The following DCT variants were observed in gnomAD, a reference collection of about 807,000 sequenced individuals.
DCT encodes the protein L-dopachrome tautomerase.
A neutral mutation model predicts 53.0 loss-of-function variants in DCT; 47 were observed. The observed-to-expected ratio is 0.89, with a 90% CI of 0.70 to 1.13. The LOEUF is 1.13. Among genes scored for constraint, DCT ranks in the 50% most tolerant of loss-of-function variants. DCT has a pLI of 0.00. For missense variants in DCT, 669 were observed against 637.4 expected (o/e 1.05, Z -0.53); for synonymous variants, 244 against 237.0 (o/e 1.03, Z -0.27).
chr13:94,460,025 G>T, intron 6 of DCT, 66 bp downstream of exon 6: 10 of 1,472,336 alleles, frequency 6.8e-6, no homozygotes, highest in Non-Finnish European at 9.5e-6. Flanking sequence ...AACATTAATT[G>T]TATGAAAAAA....
At chr13:94,489,134 C>T in the DCT span, among the ~76,000 whole-genome samples, 1 of 151,980 alleles carries the variant, frequency 6.6e-6, no homozygotes, top group Non-Finnish European at 1.5e-5. Context: ...TATTTTCATT[C>T]TATATTTTTG....
chr13:94,544,181 ATTTTT>A, the DCT span, among the ~76,000 whole-genome samples: 1 of 151,438 alleles, frequency 6.6e-6, no homozygotes, highest in African/African-American at 2.4e-5. Context: ...AGTAGCATGT[ATTTTT>A]TTTTATTTAT....
chr13:94,535,167 A>G, the DCT span, among the ~76,000 whole-genome samples: 1 of 152,226 alleles, frequency 6.6e-6, no homozygotes, highest in Non-Finnish European at 1.5e-5. Context: ...GCTTGTTAAT[A>G]TATACAATTT....
At chr13:94,526,790 T>G in the DCT span, among the ~76,000 whole-genome samples, 1 of 151,974 alleles carries the variant, frequency 6.6e-6, no homozygotes, top group African/African-American at 2.4e-5. Flanking sequence ...TTGCAGCCCA[T>G]GGAGGGGGAG....
At chr13:94,538,521 T>A in the DCT span, among the ~76,000 whole-genome samples, 1 of 151,962 alleles carries the variant, frequency 6.6e-6, no homozygotes, top group Admixed American at 6.6e-5. Context: ...ATACCACATC[T>A]CCCCCTCTTC....
the DCT span, among the ~76,000 whole-genome samples, chr13:94,505,335 T>C: frequency 1.3e-5 from 2 of 152,072 alleles, no homozygotes; most frequent in Non-Finnish European, 2.9e-5. Context: ...TCTACTTCTT[T>C]GTTAGACAAA....
At chr13:94,548,006 T>TATATATATATATATA in the DCT span, among the ~76,000 whole-genome samples, 2 of 139,810 alleles carry the variant, frequency 1.4e-5, no homozygotes, top group Admixed American at 7.1e-5. Flanking sequence ...TATATATATC[T>TATATATATATATATA]TCTCTGGGTG....
intron 7 of DCT, 61 bp from the exon 8 acceptor site, chr13:94,440,137 GA>G: frequency 2.1e-6 from 3 of 1,433,510 alleles, no homozygotes; most frequent in Non-Finnish European, 1.9e-6. Context: ...TTTCAGAAGA[GA>G]AAAAGAGCAA....
intron 1 of DCT, among the ~76,000 whole-genome samples, chr13:94,476,462 G>T (rs1885090888): frequency 6.8e-6 from 1 of 146,112 alleles, no homozygotes; most frequent in African/African-American, 2.5e-5. Context: ...GAAAGTGTTG[G>T]CACTTTCTTT....
the DCT span, among the ~76,000 whole-genome samples, chr13:94,514,636 G>C: frequency 2.6e-5 from 4 of 152,210 alleles, no homozygotes; most frequent in African/African-American, 9.6e-5. Flanking sequence ...CGTGGGCAAA[G>C]GGACCAGCAG....
the DCT span, among the ~76,000 whole-genome samples, chr13:94,525,564 G>C: frequency 6.6e-6 from 1 of 152,194 alleles, no homozygotes; most frequent in East Asian, 1.9e-4. Flanking sequence ...CTTCATTGCG[G>C]CCTAATCACA....
At chr13:94,470,554 G>A (rs1372608257) in intron 1 of DCT, among the ~76,000 whole-genome samples, 1 of 152,160 alleles carries the variant, frequency 6.6e-6, no homozygotes, top group Non-Finnish European at 1.5e-5. Context: ...GGATGATAAT[G>A]CTTATCTCCC....
At chr13:94,471,088 G>T (rs895182624) in intron 1 of DCT, among the ~76,000 whole-genome samples, 2 of 152,142 alleles carry the variant, frequency 1.3e-5, no homozygotes, top group African/African-American at 4.8e-5. Flanking sequence ...TAAGTAAAAA[G>T]TACTATGACC....
chr13:94,500,449 T>G, the DCT span, among the ~76,000 whole-genome samples: 2 of 152,168 alleles, frequency 1.3e-5, no homozygotes, highest in East Asian at 1.9e-4. Flanking sequence ...TCCCACCTGG[T>G]CCCTCCCACA....
At position 94,468,987 on chromosome 13, in the gene DCT, G is replaced by A. The variant is rs777963136; in HGVS notation, c.354C>T (p.Cys118=). ...DCKFGWTGPN[C]ERKKPPVIRQ... Reference sequence around the variant, plus strand: ...GAATCACTGGTGGTTTCTTCCGCTCGCAGTTGGGACCGGTCCAGCCAAACT... The same window carrying A: ...GAATCACTGGTGGTTTCTTCCGCTCACAGTTGGGACCGGTCCAGCCAAACT... Residue 118 remains cysteine (C), a synonymous_variant, in exon 2 of 8, where the codon TGC becomes TGT. Coordinates refer to ENST00000377028, the MANE Select transcript of DCT (RefSeq NM_001922.5). 11 of 1,614,068 alleles carry A rather than the reference G, an allele frequency of 6.8e-6. No individual in the cohort carries two copies. The South Asian group carries it at 9.9e-5, about 15-fold the overall frequency.
At position 94,446,638 on chromosome 13, in the gene DCT, C is replaced by T. The variant is rs754723485; in HGVS notation, c.1180-3001G>A. 7.9e-5 allele frequency among the ~76,000 whole-genome samples: 12 copies of T among 152,174 alleles called. No homozygotes were observed. The South Asian group carries it at 8.3e-4, about 11-fold the overall frequency. ...GCTTAGACAACAGGCATTTGTCTTA[C>T]GGTTGGAGACAGTGTCTCGCTTCTA... On this transcript the variant is annotated intron_variant, in intron 6 of 7. Transcript: ENST00000377028.
In DCT at chr13:94,439,941, A is replaced by T. The variant is rs775689076; in HGVS notation, c.1517T>A (p.Met506Lys). 1 of 1,613,918 alleles carries T rather than the reference A, an allele frequency of 6.2e-7. No homozygotes were observed. Among genetic ancestry groups the T allele is most frequent in the African/African-American group, 1.3e-5 (1 of 74,928 alleles). ...RRLRKGYTPL[M>K]ETHLSSKRYT... Reference sequence around the variant, plus strand: ...TCTCTTGCTGCTTAAATGTGTCTCCATTAGGGGTGTATATCCTTTTCGAAG... The same window carrying T: ...TCTCTTGCTGCTTAAATGTGTCTCCTTTAGGGGTGTATATCCTTTTCGAAG... Residue 506 changes from methionine (M) to lysine (K), a missense_variant, in exon 8 of 8, where the codon ATG (methionine) becomes AAG (lysine). Met to Lys is a moderately conservative substitution (Grantham distance 95, BLOSUM62 -1). Transcript: ENST00000377028.
chr13:94,445,122 G>A (rs151159291), intron 6 of DCT, among the ~76,000 whole-genome samples: 78 of 152,242 alleles, frequency 5.1e-4, no homozygotes, highest in African/African-American at 1.7e-3. Flanking sequence ...CAGTGTCTAG[G>A]GATATACAAA....
chr13:94,501,379 CCT>C, the DCT span, among the ~76,000 whole-genome samples: 2 of 152,114 alleles, frequency 1.3e-5, no homozygotes, highest in Non-Finnish European at 2.9e-5. Context: ...GTTCATAATA[CCT>C]CTCTCTGATC....
Sources: allele counts gnomAD v4.1 joint callset (sites outside exome capture counted in the v4.1 genomes callset), GRCh38; gene constraint gnomAD v4.1.1; transcripts MANE v1.5; gene names NCBI Gene and HGNC (gene_info 2026-07-23, HGNC 2026-07-21).